PTPRB: variants seen among roughly 807,000 people sequenced by gnomAD.
PTPRB encodes protein tyrosine phosphatase receptor type B, also known as receptor-type tyrosine-protein phosphatase beta.
Under a neutral mutation model 238.1 loss-of-function variants are expected in PTPRB, and 97 were observed. The observed-to-expected ratio is 0.41, with a 90% CI of 0.35 to 0.48. PTPRB has a LOEUF of 0.48. Among genes scored for constraint, PTPRB ranks in the 20% least tolerant of loss-of-function variants. The probability of loss-of-function intolerance (pLI) is 0.30; values close to 1 mark genes in which losing one functional copy is unlikely to be tolerated. For missense variants in PTPRB, 2,292 were observed against 2,681.9 expected (o/e 0.85, Z 3.21); for synonymous variants, 970 against 995.4 (o/e 0.97, Z 0.48).
At chr12:70,591,498 T>C (rs1882486183) in intron 7 of PTPRB, among the ~76,000 whole-genome samples, 1 of 152,220 alleles carries the variant, frequency 6.6e-6, no homozygotes, top group South Asian at 2.1e-4. Context: ...AAATAATGGA[T>C]ATAAATTATT....
rs560993675 is a variant in PTPRB, at chr12:70,568,807, C to T, written c.3634+868G>A. Among the ~76,000 whole-genome samples the T allele has an allele frequency of 2.6e-5, 4 of 152,256 alleles. No individual in the cohort carries two copies. The South Asian group carries it at 8.3e-4, about 32-fold the overall frequency. On this transcript the variant is annotated intron_variant, in intron 14 of 33. Transcript: ENST00000334414. ...AGGTTTGGGGCCAGACAGACCTAGA[C>T]TTGAATTATAGCTTTAGGTCTTGTT...
chr12:70,592,154 T>C (rs1882548397), intron 7 of PTPRB, 128 bp downstream of exon 7: 2 of 1,329,326 alleles, frequency 1.5e-6, no homozygotes, highest in African/African-American at 1.5e-5. Flanking sequence ...TACAGACACC[T>C]TCAGTTACAT....
intron 21 of PTPRB, among the ~76,000 whole-genome samples, chr12:70,545,957 C>CA (rs1875900485): frequency 1.3e-5 from 2 of 151,996 alleles, no homozygotes; most frequent in Admixed American, 1.3e-4. Context: ...GCCAACGTGG[C>CA]AAAACCCCGT....
intron 4 of PTPRB, among the ~76,000 whole-genome samples, chr12:70,604,981 C>T (rs1432791609): frequency 1.3e-5 from 2 of 152,100 alleles, no homozygotes; most frequent in African/African-American, 4.8e-5. Flanking sequence ...TAAGACACTC[C>T]TAGTAAACCA....
At chr12:70,523,813 T>C (rs996041576) in intron 33 of PTPRB, among the ~76,000 whole-genome samples, 2 of 151,870 alleles carry the variant, frequency 1.3e-5, no homozygotes, top group Admixed American at 6.6e-5. Context: ...CCTCTCCTCT[T>C]CTTTTCTTTT....
intron 32 of PTPRB, among the ~76,000 whole-genome samples, chr12:70,529,473 A>G (rs17226353): frequency 0.13 from 19,531 of 152,176 alleles, 1,479 homozygotes; most frequent in South Asian, 0.21. Flanking sequence ...GAAAGTGACA[A>G]TAAACTAACA....
At chr12:70,609,743 CCT>C in intron 3 of PTPRB, 1 of 1,558,618 alleles carries the variant, frequency 6.4e-7, no homozygotes, top group Non-Finnish European at 8.7e-7. Flanking sequence ...AGCTCTGACC[CCT>C]TCTCGGGCCA....
intron 17 of PTPRB, among the ~76,000 whole-genome samples, chr12:70,559,945 A>G (rs1232783970): frequency 6.6e-6 from 1 of 150,440 alleles, no homozygotes; most frequent in African/African-American, 2.5e-5. Flanking sequence ...CTGGGATTAC[A>G]GGCACCTCAG....
intron 2 of PTPRB, among the ~76,000 whole-genome samples, chr12:70,627,516 A>T (rs1315293916): frequency 1.3e-5 from 2 of 152,130 alleles, no homozygotes; most frequent in Non-Finnish European, 2.9e-5. Context: ...ATGAAAATCT[A>T]TTATTTTACT....
At chr12:70,610,037 C>G (rs1884333243) in intron 3 of PTPRB, among the ~76,000 whole-genome samples, 1 of 152,150 alleles carries the variant, frequency 6.6e-6, no homozygotes, top group East Asian at 1.9e-4. Context: ...CGGGGACAGG[C>G]AGCGCGCCGC....
chr12:70,537,269 A>G (rs1157522234), intron 28 of PTPRB, among the ~76,000 whole-genome samples: 1 of 137,780 alleles, frequency 7.3e-6, no homozygotes, highest in Non-Finnish European at 1.5e-5. Flanking sequence ...CCTGGCAGAC[A>G]GAGCAAGACC....
chr12:70,571,134 C>T lies in PTPRB; in HGVS notation c.3262G>A (p.Ala1088Thr), dbSNP rs139981476. 58 of 1,613,850 alleles carry T rather than the reference C, an allele frequency of 3.6e-5. No homozygotes were observed. The highest frequency in any genetic ancestry group is 4.4e-5 in the Non-Finnish European group (52 of 1,179,856). ...AGGGAAGTAAATCGATACTCGGTTG[C>T]GGTATTTACAAGGTGAAAAGGAGGA... ...VFPPFHLVNT[A>T]TEYRFTSLTP... The change falls in exon 13 of 34, where the codon GCA becomes ACA. Residue 1088 changes from alanine (A) to threonine (T), a missense_variant. Transcript: ENST00000334414.
chr12:70,562,734 A>C, intron 16 of PTPRB, 110 bp downstream of exon 16: 1 of 1,339,384 alleles, frequency 7.5e-7, no homozygotes, highest in Non-Finnish European at 1.0e-6. Flanking sequence ...CAAATGCCAT[A>C]TAAAGCTACA....
chr12:70,634,614 C>T (rs1378092151), intron 2 of PTPRB, among the ~76,000 whole-genome samples: 1 of 152,140 alleles, frequency 6.6e-6, no homozygotes, highest in African/African-American at 2.4e-5. Flanking sequence ...TAAGCCCTCC[C>T]TTTTCTACCC....
chr12:70,521,425 G>A lies in PTPRB; in HGVS notation c.*64C>T. The A allele has an allele frequency of 2.1e-6, 3 of 1,396,334 alleles. No homozygotes were observed. The highest frequency in any genetic ancestry group is 2.9e-6 in the Non-Finnish European group (3 of 1,033,970). 86.5% of individuals were successfully genotyped at this position (1,396,334 alleles called of 1,614,324 possible). ...AGCTGGCACCTCTGTAGGGCATGAA[G>A]CAAGTTTTTAAAAACAAATCACACA... On this transcript the variant is annotated 3_prime_UTR_variant, in exon 34 of 34. Transcript: ENST00000334414.
chr12:70,596,948 G>A (rs1254832694), intron 4 of PTPRB, among the ~76,000 whole-genome samples: 15 of 149,130 alleles, frequency 1.0e-4, no homozygotes, highest in African/African-American at 2.5e-4. Flanking sequence ...ATGGAGTCTC[G>A]CTCTTGTCAC....
intron 10 of PTPRB, 41 bp from the exon 11 acceptor site, chr12:70,576,686 G>GGGGGGGGGGGGGGGGGGGGGGT: frequency 3.0e-6 from 1 of 334,770 alleles, no homozygotes; most frequent in South Asian, 2.7e-5. Context: ...GGGGGGGAAG[G>GGGGGGGGGGGGGGGGGGGGGGT]GGGATTCAAA....
Position 70,560,638 on chromosome 12 carries a change from C to T in PTPRB, c.4432+33G>A. On this transcript the variant is annotated intron_variant, in intron 17 of 33. Transcript: ENST00000334414. The surrounding 1 kb of genome is among the most constrained non-coding windows in gnomAD (Gnocchi z 4.2). ...TGTGTCTCTGGAAGCTACTTCCCAC[C>T]ATCCCTTGGCCATTGGCACCTGGGC... is the stretch of plus-strand genomic sequence containing the variant. The T allele has an allele frequency of 6.2e-7, 1 of 1,607,226 alleles. No homozygotes were observed. Among genetic ancestry groups the T allele is most frequent in the Non-Finnish European group, 8.5e-7 (1 of 1,175,724 alleles).
chr12:70,557,800 G>T lies in PTPRB; in HGVS notation c.4714+1543C>A, dbSNP rs542032610. Among the ~76,000 whole-genome samples, 3 of 152,310 alleles carry T rather than the reference G, an allele frequency of 2.0e-5. No individual in the cohort carries two copies. The South Asian group carries it at 6.2e-4, about 32-fold the overall frequency. On this transcript the variant is annotated intron_variant, in intron 18 of 33. Coordinates refer to ENST00000334414, the MANE Select transcript of PTPRB (RefSeq NM_001109754.4). ...TTGCAAGCTCAATGTATGCTCTTTT[G>T]TTCTGCTTAAGCATGTGTGTCACAT...
Sources: gnomAD v4.1 joint callset for allele counts (sites outside exome capture counted in the v4.1 genomes callset) on GRCh38, gnomAD v4.1.1 for gene constraint, Gnocchi (gnomAD v3.1) non-coding constraint, MANE v1.5 for transcripts, NCBI Gene and HGNC (gene_info 2026-07-23, HGNC 2026-07-21) for gene names.